The following CEP89 variants were observed in gnomAD, a reference collection of about 807,000 sequenced individuals.
CEP89 encodes the protein centrosomal protein 89.
A neutral mutation model predicts 97.6 loss-of-function variants in CEP89; 95 were observed. The observed-to-expected ratio is 0.97, with a 90% confidence interval of 0.82 to 1.15. The LOEUF (loss-of-function observed/expected upper bound fraction) is 1.15, where lower values mean the gene tolerates loss of function less well. Ranked by LOEUF, CEP89 falls within the 50% of genes most tolerant of loss-of-function variation. The probability of loss-of-function intolerance (pLI) is 0.00; values close to 1 mark genes in which losing one functional copy is unlikely to be tolerated. For missense variants in CEP89, 869 were observed against 947.7 expected, an observed-to-expected ratio of 0.92 and a Z score of 1.09; for synonymous variants, 354 against 349.1, an observed-to-expected ratio of 1.01 and a Z score of -0.16.
chr19:32,962,563 T>G (rs138996140), intron 2 of CEP89, among the ~76,000 whole-genome samples: 1 of 152,296 alleles, frequency 6.6e-6, no homozygotes, highest in Admixed American at 6.5e-5. Context: ...GTTAGGTAAA[T>G]ATTTCTTCAA....
chr19:32,934,884 A>T (rs1430424035), intron 7 of CEP89, among the ~76,000 whole-genome samples: 1 of 152,202 alleles, frequency 6.6e-6, no homozygotes, highest in African/African-American at 2.4e-5. Context: ...AAGCTGAGGC[A>T]GGAAGCTTGC....
chr19:32,902,008 C>G (rs62125006), intron 14 of CEP89, among the ~76,000 whole-genome samples: 22,327 of 97,332 alleles, frequency 0.23, 2,247 homozygotes, highest in East Asian at 0.53. Context: ...CTCTCTCTCT[C>G]TCTGTGTGTG....
At chr19:32,933,324 C>T in intron 8 of CEP89, 127 bp downstream of exon 8, 3 of 761,594 alleles carry the variant, frequency 3.9e-6, no homozygotes, top group Non-Finnish European at 6.5e-6. Context: ...AGGATATTAA[C>T]AAAAAAACCT....
chr19:32,889,372 G>A (rs1399782033), intron 16 of CEP89, among the ~76,000 whole-genome samples: 1 of 152,138 alleles, frequency 6.6e-6, no homozygotes, highest in African/African-American at 2.4e-5. Flanking sequence ...GTGACAGGTG[G>A]AGCCAGGATG....
intron 3 of CEP89, 48 bp from the exon 4 acceptor site, chr19:32,953,849 C>A: frequency 1.4e-5 from 16 of 1,157,686 alleles, no homozygotes; most frequent in Non-Finnish European, 1.9e-5. Flanking sequence ...TCACTTAACA[C>A]TTGACACTGA....
intron 3 of CEP89, among the ~76,000 whole-genome samples, chr19:32,954,542 G>A (rs1443923903): frequency 1.3e-5 from 2 of 151,354 alleles, no homozygotes; most frequent in Non-Finnish European, 3.0e-5. Flanking sequence ...TTGTAGAGAC[G>A]GGGTTTCACC....
chr19:32,924,509 C>CG, intron 11 of CEP89, among the ~76,000 whole-genome samples: 2 of 152,274 alleles, frequency 1.3e-5, no homozygotes, highest in Middle Eastern at 6.8e-3. Flanking sequence ...CCGTGTCCTG[C>CG]GCTGTCCTTT....
intron 4 of CEP89, among the ~76,000 whole-genome samples, chr19:32,953,205 G>A (rs1970962106): frequency 2.0e-5 from 3 of 150,354 alleles, no homozygotes; most frequent in South Asian, 4.4e-4. Context: ...AAACGGGAGC[G>A]CTCACAGTAA....
chr19:32,960,846 G>A (rs753401823), intron 2 of CEP89, among the ~76,000 whole-genome samples: 7 of 151,762 alleles, frequency 4.6e-5, no homozygotes, highest in Non-Finnish European at 7.4e-5. Flanking sequence ...AAAGACCACC[G>A]TCCCAGCTTG....
intron 5 of CEP89, among the ~76,000 whole-genome samples, chr19:32,945,722 C>T (rs184135717): frequency 1.6e-3 from 249 of 152,244 alleles, no homozygotes; most frequent in African/African-American, 5.6e-3. Context: ...AGGCTGGATT[C>T]GAACTCCCAG....
intron 13 of CEP89, chr19:32,917,856 G>A (rs1970160204): frequency 1.1e-6 from 1 of 933,826 alleles, no homozygotes; most frequent in Non-Finnish European, 1.3e-6. Context: ...AAAGTGAATG[G>A]TTCTGCTTAC....
chr19:32,925,444 A>G (rs1486556168), intron 11 of CEP89, among the ~76,000 whole-genome samples: 2 of 151,770 alleles, frequency 1.3e-5, no homozygotes, highest in African/African-American at 4.8e-5. Flanking sequence ...GTTTGCCCAA[A>G]ACATCTCCAG....
At chr19:32,880,241 T>C (rs543313279) in intron 18 of CEP89, among the ~76,000 whole-genome samples, 1 of 152,314 alleles carries the variant, frequency 6.6e-6, no homozygotes, top group East Asian at 1.9e-4. Context: ...GCCAGATGGT[T>C]CTGGAAAATG....
intron 3 of CEP89, among the ~76,000 whole-genome samples, chr19:32,957,749 G>T (rs1207992588): frequency 6.6e-6 from 1 of 152,182 alleles, no homozygotes; most frequent in Admixed American, 6.5e-5. Flanking sequence ...GGCAAAGGTT[G>T]CAGTGAGCCG....
intron 1 of CEP89, chr19:32,971,398 G>A: frequency 2.3e-6 from 1 of 430,344 alleles, no homozygotes; most frequent in Non-Finnish European, 4.1e-6. Context: ...GATTGTTAAC[G>A]CCGGGCACAG....
At chr19:32,899,073 G>T (rs778952332) in intron 16 of CEP89, among the ~76,000 whole-genome samples, 4 of 147,184 alleles carry the variant, frequency 2.7e-5, no homozygotes, top group Non-Finnish European at 6.0e-5. Context: ...TGTTTAAAAA[G>T]AAAAAAATGT....
In CEP89 at chr19:32,879,001, T is replaced by C; in HGVS notation, c.*161A>G. ...AATTAAAAAATAAAGCAAAATGTTA[T>C]CAATGGATTAAACTATGAGACCATT... On this transcript the variant is annotated 3_prime_UTR_variant, in exon 19 of 19. Transcript: ENST00000305768. 1 of 491,738 alleles carries C rather than the reference T, an allele frequency of 2.0e-6. No homozygotes were observed. The highest frequency in any genetic ancestry group is 3.5e-6 in the Non-Finnish European group (1 of 283,342). The allele number at this position is 491,738 out of a possible 1,614,324, so 30.5% of individuals were successfully genotyped here.
intron 2 of CEP89, 120 bp from the exon 3 acceptor site, chr19:32,960,178 C>T (rs1971137700): frequency 1.0e-6 from 1 of 1,000,964 alleles, no homozygotes; most frequent in African/African-American, 1.6e-5. Context: ...TGAGCATTTA[C>T]TCTGCACCCA....
intron 14 of CEP89, among the ~76,000 whole-genome samples, chr19:32,911,193 T>C (rs945025742): frequency 6.6e-5 from 10 of 152,234 alleles, no homozygotes; most frequent in African/African-American, 2.4e-4. Context: ...CTGTCGTATA[T>C]GTGGTCCATT....
Sources: allele counts gnomAD v4.1 joint callset (sites outside exome capture counted in the v4.1 genomes callset), GRCh38; gene constraint gnomAD v4.1.1; transcripts MANE v1.5; gene names NCBI Gene and HGNC (gene_info 2026-07-23, HGNC 2026-07-21).